Variants in RTN1 observed in about 807,000 individuals in gnomAD.
The protein encoded by RTN1 is reticulon-1.
RTN1 carries 25 observed loss-of-function variants against 65.5 expected under a neutral mutation model. The observed-to-expected ratio is 0.38, with a 90% CI of 0.28 to 0.53. The LOEUF (loss-of-function observed/expected upper bound fraction) is 0.53. Among genes scored for constraint, RTN1 ranks in the 20% least tolerant of loss-of-function variants. The pLI, the probability that RTN1 is intolerant of heterozygous loss-of-function variation, is 0.79. For synonymous variants in RTN1, 471 were observed against 447.6 expected, an observed-to-expected ratio of 1.05 and a Z score of -0.66; for missense variants, 983 against 1,025.4, an observed-to-expected ratio of 0.96 and a Z score of 0.57.
At chr14:59,867,922 C>T (rs1265216834) in intron 1 of RTN1, among the ~76,000 whole-genome samples, 1 of 152,100 alleles carries the variant, frequency 6.6e-6, no homozygotes, top group Non-Finnish European at 1.5e-5. Flanking sequence ...TGACCAGACA[C>T]CAAATCTACC....
intron 2 of RTN1, among the ~76,000 whole-genome samples, chr14:59,733,192 A>C (rs1026196164): frequency 6.6e-6 from 1 of 151,990 alleles, no homozygotes; most frequent in Non-Finnish European, 1.5e-5. Context: ...CCCGGGTTCA[A>C]GCAATTCTCC....
chr14:59,828,929 C>T (rs1887079494), intron 1 of RTN1, among the ~76,000 whole-genome samples: 1 of 152,048 alleles, frequency 6.6e-6, no homozygotes, highest in African/African-American at 2.4e-5. Flanking sequence ...TAATTCTATG[C>T]CTAATGGAAT....
intron 1 of RTN1, among the ~76,000 whole-genome samples, chr14:59,778,349 G>T (rs995311929): frequency 6.6e-6 from 1 of 152,144 alleles, no homozygotes; most frequent in Admixed American, 6.6e-5. Flanking sequence ...ATTAATGAAT[G>T]GCTTTTGTTA....
chr14:59,827,845 A>G (rs2139636929), intron 1 of RTN1, among the ~76,000 whole-genome samples: 1 of 152,336 alleles, frequency 6.6e-6, no homozygotes, highest in Middle Eastern at 3.4e-3. Flanking sequence ...ATCTGCATTC[A>G]GGGCAAGTCT....
At chr14:59,679,349 GT>G (rs1004476496) in intron 3 of RTN1, among the ~76,000 whole-genome samples, 5 of 152,044 alleles carry the variant, frequency 3.3e-5, no homozygotes, top group African/African-American at 7.2e-5. Flanking sequence ...TTTGACTTAG[GT>G]TTCATCTTTA....
intron 3 of RTN1, among the ~76,000 whole-genome samples, chr14:59,612,273 C>G (rs955927210): frequency 6.6e-6 from 1 of 152,148 alleles, no homozygotes; most frequent in Non-Finnish European, 1.5e-5. Flanking sequence ...TGTAAAGTGG[C>G]TGGAACCCCA....
intron 3 of RTN1, among the ~76,000 whole-genome samples, chr14:59,667,363 T>C (rs537044556): frequency 6.6e-6 from 1 of 152,254 alleles, no homozygotes; most frequent in East Asian, 1.9e-4. Flanking sequence ...AAAAACCACA[T>C]GATTATCTCA....
At chr14:59,841,522 C>A (rs1887311511) in intron 1 of RTN1, among the ~76,000 whole-genome samples, 1 of 151,780 alleles carries the variant, frequency 6.6e-6, no homozygotes, top group Admixed American at 6.6e-5. Context: ...ATGGTGAAAC[C>A]CTGTCTCTAC....
chr14:59,760,629 G>C (rs1270023188), intron 1 of RTN1, among the ~76,000 whole-genome samples: 1 of 152,200 alleles, frequency 6.6e-6, no homozygotes, highest in Admixed American at 6.5e-5. Context: ...AACATTTGAA[G>C]ACAGCTATGG....
At chr14:59,863,806 C>T (rs1040395602) in intron 1 of RTN1, among the ~76,000 whole-genome samples, 1 of 152,240 alleles carries the variant, frequency 6.6e-6, no homozygotes, top group African/African-American at 2.4e-5. Flanking sequence ...GTCTTCCCAA[C>T]CCCAGCTAAT....
At position 59,749,116 on chromosome 14, in the gene RTN1, A is replaced by ATCTATATATATATC. The variant is rs202217346; in HGVS notation, c.242-2636_242-2635insGATATATATATAGA. ...TATATATATATCTATATATATATAT[A>ATCTATATATATATC]TATATATAGATATATCTATATCTAT... On this transcript the variant is annotated intron_variant, in intron 1 of 8. Transcript: ENST00000267484. Among the ~76,000 whole-genome samples the ATCTATATATATATC allele has an allele frequency of 6.8e-5, 4 of 58,816 alleles. No individual in the cohort carries two copies. In the East Asian group the frequency reaches 1.2e-3, roughly 18 times the overall value. The allele number at this position is 58,816 out of a possible 152,430, so 38.6% of individuals were successfully genotyped here. A position where few individuals can be genotyped will look rare whatever the true frequency, so the allele number is the denominator to read the frequency against.
chr14:59,830,719 T>C (rs1887110986), intron 1 of RTN1, among the ~76,000 whole-genome samples: 1 of 152,206 alleles, frequency 6.6e-6, no homozygotes, highest in South Asian at 2.1e-4. Context: ...GTACTTAACA[T>C]CTCTGTGCCT....
Position 59,675,135 on chromosome 14 carries a change from G to C in RTN1, c.1765+51784C>G, listed in dbSNP as rs1404283501. On this transcript the variant is annotated intron_variant, in intron 3 of 8. Transcript: ENST00000267484. ...CACCATGATGGAGGAAGCTCAGTGA[G>C]TTATGGTGCACAGAGGAGTGGTGGC... Among the ~76,000 whole-genome samples, 5 of 152,082 alleles carry C rather than the reference G, an allele frequency of 3.3e-5. 1 individual carries two copies. The highest frequency in any genetic ancestry group is 5.9e-5 in the Non-Finnish European group (4 of 68,020).
intron 3 of RTN1, among the ~76,000 whole-genome samples, chr14:59,720,045 A>G (rs963417993): frequency 6.6e-6 from 1 of 152,212 alleles, no homozygotes; most frequent in Non-Finnish European, 1.5e-5. Flanking sequence ...AACCAAATTT[A>G]CTAGGAGGGT....
rs886166978 is a variant in RTN1 at position 59,790,569 on chromosome 14, G to C, written c.242-44088C>G. Among the ~76,000 whole-genome samples, 2 of 152,132 alleles carry C rather than the reference G, an allele frequency of 1.3e-5. No homozygotes were observed. The highest frequency in any genetic ancestry group is 2.9e-5 in the Non-Finnish European group (2 of 68,010). ...TTGGTTTTGTGTGTGAAAGATGCCTGAAGAATTCATTCTCTGGCGTCAAAG... is the reference window on the plus strand; with the variant it reads ...TTGGTTTTGTGTGTGAAAGATGCCTCAAGAATTCATTCTCTGGCGTCAAAG... On this transcript the variant is annotated intron_variant, in intron 1 of 8. Coordinates refer to ENST00000267484, the MANE Select transcript of RTN1 (RefSeq NM_021136.3). This position sits in a 1 kb window ranked among gnomAD's most constrained non-coding sequence, Gnocchi z 4.1.
intron 3 of RTN1, among the ~76,000 whole-genome samples, chr14:59,658,743 G>C (rs1031435541): frequency 1.3e-5 from 2 of 152,180 alleles, no homozygotes; most frequent in East Asian, 1.9e-4. Flanking sequence ...CAACATCAAA[G>C]ACCAAAGGTA....
At chr14:59,621,779 A>G (rs1201660998) in intron 3 of RTN1, among the ~76,000 whole-genome samples, 1 of 152,246 alleles carries the variant, frequency 6.6e-6, no homozygotes, top group Non-Finnish European at 1.5e-5. Flanking sequence ...AATGCATTCA[A>G]ATGGCCCAAC....
intron 1 of RTN1, among the ~76,000 whole-genome samples, chr14:59,789,896 A>C (rs1886316967): frequency 6.6e-6 from 1 of 152,148 alleles, no homozygotes; most frequent in South Asian, 2.1e-4. Context: ...AAATAAAGCA[A>C]GTTGCAAAAT....
chr14:59,702,743 C>T (rs973349355), intron 3 of RTN1, among the ~76,000 whole-genome samples: 8 of 152,224 alleles, frequency 5.3e-5, no homozygotes, highest in African/African-American at 1.9e-4. Context: ...CTCCTGTCTA[C>T]TCACTATATG....
Sources: allele counts gnomAD v4.1 joint callset (sites outside exome capture counted in the v4.1 genomes callset), GRCh38; gene constraint gnomAD v4.1.1; non-coding constraint Gnocchi (gnomAD v3.1); transcripts MANE v1.5; gene names NCBI Gene and HGNC (gene_info 2026-07-23, HGNC 2026-07-21).